The following SHISA9 variants were observed in gnomAD, a reference collection of about 807,000 sequenced individuals.
The protein encoded by SHISA9 is protein shisa-9.
SHISA9 carries 13 observed loss-of-function variants against 38.0 expected under a neutral mutation model. That is an observed-to-expected ratio of 0.34 (90% CI 0.22 to 0.54). The LOEUF is 0.54. SHISA9 is among the 20% of genes least tolerant of loss of function. The pLI, the probability that SHISA9 is intolerant of heterozygous loss-of-function variation, is 0.91. For missense variants in SHISA9, 538 were observed against 575.8 expected, an observed-to-expected ratio of 0.93 and a Z score of 0.67; for synonymous variants, 275 against 242.0, an observed-to-expected ratio of 1.14 and a Z score of -1.27.
intron 2 of SHISA9, among the ~76,000 whole-genome samples, chr16:13,187,843 C>T (rs1487694586): frequency 1.3e-5 from 2 of 152,168 alleles, no homozygotes; most frequent in Non-Finnish European, 2.9e-5. Flanking sequence ...CATGCTTCCA[C>T]ACGTTGACCA....
chr16:13,048,014 C>T (rs1351798329), intron 2 of SHISA9, among the ~76,000 whole-genome samples: 3 of 152,130 alleles, frequency 2.0e-5, no homozygotes, highest in Admixed American at 6.5e-5. Flanking sequence ...ATTTCAGCAT[C>T]CAGGATTCCT....
chr16:13,117,968 G>A (rs1220856301), intron 2 of SHISA9, among the ~76,000 whole-genome samples: 6 of 152,110 alleles, frequency 3.9e-5, no homozygotes, highest in Non-Finnish European at 8.8e-5. Context: ...GATCGCCTGA[G>A]ATCAGAAGTT....
chr16:13,009,785 C>A (rs1353362925), intron 2 of SHISA9, among the ~76,000 whole-genome samples: 2 of 152,212 alleles, frequency 1.3e-5, no homozygotes, highest in Non-Finnish European at 2.9e-5. Context: ...TGATCAATGG[C>A]TCTGCAGATG....
chr16:13,302,337 C>A, the SHISA9 span, among the ~76,000 whole-genome samples: 1 of 152,128 alleles, frequency 6.6e-6, no homozygotes, highest in Non-Finnish European at 1.5e-5. Flanking sequence ...TGGACAGAAC[C>A]TCAAAGCCTC....
intron 2 of SHISA9, among the ~76,000 whole-genome samples, chr16:13,071,201 A>G (rs897826116): frequency 3.3e-5 from 5 of 152,182 alleles, no homozygotes; most frequent in African/African-American, 1.2e-4. Context: ...TTATTTTACA[A>G]TTTAAAAAAA....
the SHISA9 span, among the ~76,000 whole-genome samples, chr16:13,324,995 G>T: frequency 1.3e-5 from 2 of 152,170 alleles, no homozygotes; most frequent in African/African-American, 4.8e-5. Context: ...ATAAAGAAAT[G>T]CTTGAGTTTA....
At chr16:13,064,652 AC>A (rs1192265697) in intron 2 of SHISA9, among the ~76,000 whole-genome samples, 2 of 152,242 alleles carry the variant, frequency 1.3e-5, no homozygotes, top group African/African-American at 4.8e-5. Context: ...TTACAAATCT[AC>A]CCAGAAAACA....
the SHISA9 span, among the ~76,000 whole-genome samples, chr16:13,321,594 C>A: frequency 6.6e-6 from 1 of 152,190 alleles, no homozygotes; most frequent in African/African-American, 2.4e-5. Context: ...GAGGAACACA[C>A]TGATTGTAAA....
the SHISA9 span, among the ~76,000 whole-genome samples, chr16:13,262,027 GATAAC>G: frequency 2.0e-5 from 3 of 152,170 alleles, no homozygotes; most frequent in Admixed American, 6.5e-5. Flanking sequence ...GTAATAGATA[GATAAC>G]ATAGACATTA....
In SHISA9 at chr16:12,944,472, A is replaced by T. The variant is rs562161258; in HGVS notation, c.691+27657A>T. Among the ~76,000 whole-genome samples the T allele has an allele frequency of 2.6e-5, 4 of 152,290 alleles. No individual in the cohort carries two copies. The South Asian group carries it at 8.3e-4, about 32-fold the overall frequency. On this transcript the variant is annotated intron_variant, in intron 2 of 4. Coordinates refer to ENST00000558583, the MANE Select transcript of SHISA9 (RefSeq NM_001145204.3). Reference sequence around the variant, plus strand: ...CTGGAAGATTGCTGAGCCCAAAGCCATGGATTATTCTGCTTTTTTTGTTGA... The same window carrying T: ...CTGGAAGATTGCTGAGCCCAAAGCCTTGGATTATTCTGCTTTTTTTGTTGA...
intron 2 of SHISA9, among the ~76,000 whole-genome samples, chr16:12,986,138 G>A (rs1850562265): frequency 6.6e-6 from 1 of 151,934 alleles, no homozygotes; most frequent in Non-Finnish European, 1.5e-5. Flanking sequence ...TAAATAAATT[G>A]CTCATATACA....
the SHISA9 span, among the ~76,000 whole-genome samples, chr16:13,354,785 G>A: frequency 6.6e-6 from 1 of 152,178 alleles, no homozygotes; most frequent in Non-Finnish European, 1.5e-5. Context: ...AAAAGGAGTT[G>A]TTTTGTAGAA....
At chr16:13,026,586 C>T (rs1408245166) in intron 2 of SHISA9, among the ~76,000 whole-genome samples, 1 of 152,024 alleles carries the variant, frequency 6.6e-6, no homozygotes, top group Non-Finnish European at 1.5e-5. Context: ...TTTTATATAT[C>T]CAGAAATGGG....
chr16:13,506,484 C>A, the SHISA9 span, among the ~76,000 whole-genome samples: 2 of 151,968 alleles, frequency 1.3e-5, no homozygotes, highest in African/African-American at 4.8e-5. Context: ...ATGAGGAGGA[C>A]GGGGTTGAAA....
intron 2 of SHISA9, among the ~76,000 whole-genome samples, chr16:13,008,679 C>T (rs999617606): frequency 1.5e-5 from 2 of 132,458 alleles, no homozygotes; most frequent in Non-Finnish European, 3.2e-5. Context: ...CCCTCCCTCC[C>T]TCTCTCTCTC....
At chr16:13,243,769 G>GTTTTT (rs34605909), downstream of SHISA9, among the ~76,000 whole-genome samples, 20 of 89,804 alleles carry the variant, frequency 2.2e-4, no homozygotes, top group South Asian at 5.5e-4. Flanking sequence ...TTACAGCAGC[G>GTTTTT]TTTTTTTTTT....
the SHISA9 span, among the ~76,000 whole-genome samples, chr16:13,393,705 G>T: frequency 6.6e-6 from 1 of 152,172 alleles, no homozygotes; most frequent in Non-Finnish European, 1.5e-5. Context: ...AGGTAGTACA[G>T]CTCTGGGACT....
chr16:13,377,921 T>C, the SHISA9 span, among the ~76,000 whole-genome samples: 7 of 152,246 alleles, frequency 4.6e-5, no homozygotes, highest in Admixed American at 4.6e-4. Context: ...TAGTCCCAGC[T>C]ACCTGGGAGG....
intron 2 of SHISA9, among the ~76,000 whole-genome samples, chr16:13,119,306 G>T (rs537330395): frequency 1.3e-5 from 2 of 152,282 alleles, no homozygotes; most frequent in African/African-American, 2.4e-5. Flanking sequence ...ATTGATTTTA[G>T]AACCTGGGTT....
Sources: allele counts gnomAD v4.1 joint callset (sites outside exome capture counted in the v4.1 genomes callset), GRCh38; gene constraint gnomAD v4.1.1; transcripts MANE v1.5; gene names NCBI Gene and HGNC (gene_info 2026-07-23, HGNC 2026-07-21).